The following MYH7 variants were observed in gnomAD, a reference collection of about 807,000 sequenced individuals.
MYH7 encodes myosin heavy chain 7.
MYH7 carries 129 observed loss-of-function variants against 225.4 expected under a neutral mutation model. The observed-to-expected ratio is 0.57, with a 90% CI of 0.50 to 0.66. The LOEUF (loss-of-function observed/expected upper bound fraction) is 0.66. Ranked by LOEUF, MYH7 falls within the 30% of genes least tolerant of loss-of-function variation. The pLI is 0.00. For synonymous variants in MYH7, 971 were observed against 1,007.6 expected, an observed-to-expected ratio of 0.96 and a Z score of 0.69; for missense variants, 1,649 against 2,517.0, an observed-to-expected ratio of 0.66 and a Z score of 7.38.
Position 23,415,249 on chromosome 14 carries a change from G to T in MYH7, c.5305C>A (p.Leu1769Met), listed in dbSNP as rs139222507. 31 of 1,614,144 alleles carry T rather than the reference G, an allele frequency of 1.9e-5. No individual in the cohort carries two copies. The highest frequency in any genetic ancestry group is 2.5e-5 in the Non-Finnish European group (30 of 1,180,062). ...GCGCTGGTGTCCTGCTCCTTCTTCA[G>T]CTCCTCTGCCATCATGGCGGCCTGT... Reference protein sequence around the residue: ...ITDAAMMAEELKKEQDTSAHL... With the variant: ...ITDAAMMAEEMKKEQDTSAHL... The change falls in exon 37 of 40, where the codon CTG becomes ATG. Residue 1769 changes from leucine to methionine, a missense_variant. This residue lies in a region of MYH7 where 687 missense variants were observed against 913.8 expected (regional missense o/e 0.75). Coordinates refer to ENST00000355349, the MANE Select transcript of MYH7 (RefSeq NM_000257.4). The surrounding 1 kb of genome is among the most constrained non-coding windows in gnomAD (Gnocchi z 6.3).
At chr14:23,428,386 C>G (rs974122528) in intron 15 of MYH7, 114 bp downstream of exon 15, 16 of 1,540,448 alleles carry the variant, frequency 1.0e-5, no homozygotes, top group Non-Finnish European at 1.3e-5. Context: ...GGGCTCGGAT[C>G]CTTCAGCCCC....
In MYH7 at chr14:23,433,061, G is replaced by GTA. The variant is rs760687364; in HGVS notation, c.345+21_345+22dup. 48 of 1,614,024 alleles carry GTA rather than the reference G, an allele frequency of 3.0e-5. No individual in the cohort carries two copies. In the African/African-American group the frequency reaches 3.7e-4, roughly 13 times the overall value. ...ATGGAGCAAGAACAGAGATCCCAAC[G>GTA]TAGGGCCAGGTGCAGCACTCACGTA... On this transcript the variant is annotated intron_variant, in intron 4 of 39. Coordinates refer to ENST00000355349, the MANE Select transcript of MYH7 (RefSeq NM_000257.4). This position sits in a 1 kb window ranked among gnomAD's most constrained non-coding sequence, Gnocchi z 4.1.
chr14:23,423,812 C>T, intron 23 of MYH7, 89 bp from the exon 24 acceptor site: 1 of 1,613,366 alleles, frequency 6.2e-7, no homozygotes, highest in Non-Finnish European at 8.5e-7. Context: ...GTCCATGCTG[C>T]TCTCTGGATG....
Position 23,424,169 on chromosome 14 carries a change from G to A in MYH7, c.2680-20C>T. On this transcript the variant is annotated intron_variant, in intron 22 of 39. Transcript: ENST00000355349. ...TTGTTCCTGAAGGTGAGGAACAGAG[G>A]GGAGGCTGTTCAGGGGGTAAGGTCC... is the stretch of plus-strand genomic sequence containing the variant. 1 of 1,613,940 alleles carries A rather than the reference G, an allele frequency of 6.2e-7. No homozygotes were observed. Among genetic ancestry groups the A allele is most frequent in the South Asian group, 1.1e-5 (1 of 91,072 alleles).
intron 4 of MYH7, 93 bp from the exon 5 acceptor site, chr14:23,432,888 G>A: frequency 1.3e-6 from 2 of 1,567,868 alleles, no homozygotes; most frequent in African/African-American, 1.4e-5. Context: ...AGAGAAAGAA[G>A]AGAAAGGAAA....
At chr14:23,414,581 A>C (rs1307459178) in intron 37 of MYH7, among the ~76,000 whole-genome samples, 1 of 152,220 alleles carries the variant, frequency 6.6e-6, no homozygotes, top group African/African-American at 2.4e-5. Flanking sequence ...TCAGAGTCTG[A>C]TTCTAGAAAA....
chr14:23,435,101 A>C (rs906290998), intron 1 of MYH7, among the ~76,000 whole-genome samples: 2 of 152,050 alleles, frequency 1.3e-5, no homozygotes. Flanking sequence ...GAGGGTACAG[A>C]TACTATAACA....
At position 23,414,850 on chromosome 14, in the gene MYH7, G is replaced by A; in HGVS notation, c.5559+145C>T. 3 of 1,383,782 alleles carry A rather than the reference G, an allele frequency of 2.2e-6. No homozygotes were observed. In the South Asian group the frequency reaches 3.8e-5, roughly 17 times the overall value. 85.7% of individuals were successfully genotyped at this position (1,383,782 alleles called of 1,614,324 possible). Reference sequence around the variant, plus strand: ...CTCTGAGCTAGGGGACATTCAGAGTGGGGCAGGGCTAGGCAAAGTGAAACG... The same window carrying A: ...CTCTGAGCTAGGGGACATTCAGAGTAGGGCAGGGCTAGGCAAAGTGAAACG... On this transcript the variant is annotated intron_variant, in intron 37 of 39. Coordinates refer to ENST00000355349, the MANE Select transcript of MYH7 (RefSeq NM_000257.4).
chr14:23,416,356 C>A, intron 33 of MYH7, 44 bp from the exon 34 acceptor site: 4 of 1,597,538 alleles, frequency 2.5e-6, no homozygotes, highest in East Asian at 2.2e-5. Flanking sequence ...ACAGTCAGGG[C>A]ACAGGGCAGG....
chr14:23,418,498 T>C, intron 29 of MYH7, 92 bp from the exon 30 acceptor site: 1 of 1,406,014 alleles, frequency 7.1e-7, no homozygotes, highest in Non-Finnish European at 9.4e-7. Flanking sequence ...CTCAACATCA[T>C]CCCTTGGCCT....
chr14:23,428,863 A>G (rs1427955706), intron 14 of MYH7, 92 bp downstream of exon 14: 5 of 1,601,618 alleles, frequency 3.1e-6, no homozygotes, highest in Non-Finnish European at 4.3e-6. Context: ...CTGCCTTCCC[A>G]TGTCTGGTCC....
Position 23,425,317 on chromosome 14 carries a change from G to A in MYH7, c.2388C>T (p.Leu796=), listed in dbSNP as rs397516144. ...TRIQAQSRGV[L]ARMEYKKLLE... ...GCAGCTTTTTGTACTCCATTCTGGC[G>A]AGCACACCTCGGGACTGGGCCTGGA... The change falls in exon 21 of 40, where the codon CTC becomes CTT. Residue 796 remains leucine, a synonymous_variant. Transcript: ENST00000355349. The surrounding 1 kb of genome is among the most constrained non-coding windows in gnomAD (Gnocchi z 4.6). 8.7e-6 allele frequency: 14 copies of A among 1,614,140 alleles called. No individual in the cohort carries two copies. The highest frequency in any genetic ancestry group is 2.2e-5 in the South Asian group (2 of 91,074).
intron 1 of MYH7, 145 bp from the exon 2 acceptor site, chr14:23,434,394 C>T (rs1893068348): frequency 2.5e-6 from 1 of 398,094 alleles, no homozygotes; most frequent in African/African-American, 2.2e-5. Flanking sequence ...CTGGTCCCAT[C>T]CTTCTTGTTT....
At chr14:23,422,949 A>G (rs904537159) in intron 24 of MYH7, among the ~76,000 whole-genome samples, 58 of 152,272 alleles carry the variant, frequency 3.8e-4, no homozygotes, top group African/African-American at 1.4e-3. Flanking sequence ...TTCTTTCAGC[A>G]TCCTATAAAC....
intron 2 of MYH7, 22 bp downstream of exon 2, chr14:23,434,172 C>G: frequency 9.4e-7 from 1 of 1,066,786 alleles, no homozygotes; most frequent in Non-Finnish European, 1.1e-6. Context: ...ATTTTCAACA[C>G]TCTAGCTTCA....
Position 23,418,197 on chromosome 14 carries a change from G to A in MYH7, c.4169+13C>T. The A allele has an allele frequency of 6.2e-7, 1 of 1,613,336 alleles. No individual in the cohort carries two copies. The highest frequency in any genetic ancestry group is 8.5e-7 in the Non-Finnish European group (1 of 1,180,044). On this transcript the variant is annotated intron_variant, in intron 30 of 39. Transcript: ENST00000355349. ...AGGGGCCTCAGCCAGAAGTCAGGCTGCTCAGAACTCACTTGGCCTCCTCGA... is the reference window on the plus strand; with the variant it reads ...AGGGGCCTCAGCCAGAAGTCAGGCTACTCAGAACTCACTTGGCCTCCTCGA...
chr14:23,416,088 A>G lies in MYH7; in HGVS notation c.4869T>C (p.Asn1623=), dbSNP rs1448315071. The G allele has an allele frequency of 6.2e-7, 1 of 1,614,102 alleles. No individual in the cohort carries two copies. The highest frequency in any genetic ancestry group is 1.7e-5 in the Admixed American group (1 of 60,018). The part of the protein sequence containing the change: ...RVKKKMEGDL[N]EMEIQLSHAN... ...CGTGGCTGAGCTGGATCTCCATCTC[A>G]TTGAGGTCTCCTTCCATCTTCTTCT... The change falls in exon 34 of 40, where the codon AAT becomes AAC. Residue 1623 remains asparagine (N), a synonymous_variant. Transcript: ENST00000355349.
At position 23,426,081 on chromosome 14, in the gene MYH7, C is replaced by T; in HGVS notation, c.2045G>A (p.Gly682Glu). The change falls in exon 19 of 40, where the codon GGG becomes GAG. Residue 682 changes from glycine (G) to glutamate (E), a missense_variant and splice_region_variant. By Grantham distance (98) the Gly-to-Glu change is moderately conservative. Transcript: ENST00000355349. ...CIIPNETKSPGVMDNPLVMHQ... is the reference protein window; with the variant it reads ...CIIPNETKSPEVMDNPLVMHQ... Reference sequence around the variant, plus strand: ...CATGACCAGGGGGTTGTCCATCACCCCTGTGGCAAGAAGGAAGTAGGAGGA... The same window carrying T: ...CATGACCAGGGGGTTGTCCATCACCTCTGTGGCAAGAAGGAAGTAGGAGGA... 6.2e-7 allele frequency: 1 copy of T among 1,614,150 alleles called. No homozygotes were observed. Among genetic ancestry groups the T allele is most frequent in the Non-Finnish European group, 8.5e-7 (1 of 1,180,006 alleles).
Position 23,415,089 on chromosome 14 carries a change from AG to A in MYH7, c.5464del (p.Leu1822TrpfsTer16). On this transcript the variant is annotated frameshift_variant, in exon 37 of 40. Transcript: ENST00000355349. LOFTEE classifies it high-confidence loss of function. The surrounding 1 kb of genome is among the most constrained non-coding windows in gnomAD (Gnocchi z 6.3). Reference protein sequence around the residue: ...LQKLEARVRELENELEAEQKR... With the variant: ...LQKLEARVREXENELEAEQKR... ...CTGCTCGGCCTCCAGCTCATTCTCC[AG>A]CTCCCGCACCCGCGCTTCCAGCTTC... The A allele has an allele frequency of 6.2e-7, 1 of 1,613,798 alleles. No individual in the cohort carries two copies. Among genetic ancestry groups the A allele is most frequent in the Non-Finnish European group, 8.5e-7 (1 of 1,180,028 alleles).
Sources: allele counts gnomAD v4.1 joint callset (sites outside exome capture counted in the v4.1 genomes callset), GRCh38; gene constraint gnomAD v4.1.1; regional missense constraint gnomAD v4.1.1; non-coding constraint Gnocchi (gnomAD v3.1); transcripts MANE v1.5; gene names NCBI Gene and HGNC (gene_info 2026-07-23, HGNC 2026-07-21).